ADCY7: variants seen among roughly 807,000 people sequenced by gnomAD.
ADCY7 encodes the protein adenylate cyclase 7, also known as adenylate cyclase type 7.
In ADCY7, 72 loss-of-function variants were observed where a neutral mutation model predicts 120.6. The observed-to-expected ratio is 0.60, with a 90% confidence interval of 0.49 to 0.73. ADCY7 has a LOEUF of 0.73. ADCY7 is among the 30% of genes least tolerant of loss of function. The pLI, the probability that ADCY7 is intolerant of heterozygous loss-of-function variation, is 0.00. For missense variants in ADCY7, 1,227 were observed against 1,486.0 expected, an observed-to-expected ratio of 0.83 and a Z score of 2.87; for synonymous variants, 661 against 628.0, an observed-to-expected ratio of 1.05 and a Z score of -0.78.
At chr16:50,303,644 G>T (rs2035876972) in intron 10 of ADCY7, among the ~76,000 whole-genome samples, 2 of 152,276 alleles carry the variant, frequency 1.3e-5, no homozygotes, top group African/African-American at 4.8e-5. Flanking sequence ...GAGTGGGGGC[G>T]GGTAGGGCTG....
intron 14 of ADCY7, among the ~76,000 whole-genome samples, 192 bp from the exon 15 acceptor site, chr16:50,306,858 C>G (rs1464433158): frequency 6.6e-6 from 1 of 152,206 alleles, no homozygotes; most frequent in African/African-American, 2.4e-5. Context: ...TGGGGACTCA[C>G]TATGTTGCCC....
chr16:50,253,484 T>C (rs776941067), intron 1 of ADCY7, among the ~76,000 whole-genome samples: 6 of 152,158 alleles, frequency 3.9e-5, no homozygotes, highest in Admixed American at 6.5e-5. Context: ...ACTCCTGGCC[T>C]CAAATGATCC....
chr16:50,245,171 T>C (rs2150764611), upstream of ADCY7, among the ~76,000 whole-genome samples: 1 of 152,356 alleles, frequency 6.6e-6, no homozygotes, highest in East Asian at 1.9e-4. Context: ...AGATCAGCGT[T>C]TCTGCTACCT....
rs764555072 is a variant in ADCY7, at chr16:50,312,942, C to T, written c.2657C>T (p.Pro886Leu). Residue 886 changes from proline (P) to leucine (L), a missense_variant, in exon 22 of 26, where the codon CCG (proline) becomes CTG (leucine). Pro to Leu is a moderately conservative substitution (Grantham distance 98). Transcript: ENST00000673801. ...GTCTGTGTCATGTTTGCCTCCGTGC[C>T]GGACTTCAAAGTGTTCTACACAGAG... The part of the protein sequence containing the change: ...DCVCVMFASV[P>L]DFKVFYTECD... 6.8e-6 allele frequency: 11 copies of T among 1,614,060 alleles called. No individual in the cohort carries two copies. The highest frequency in any genetic ancestry group is 2.7e-5 in the African/African-American group (2 of 74,918).
chr16:50,312,125 CCTT>C lies in ADCY7; in HGVS notation c.2544_2546del (p.Leu849del), dbSNP rs1180517747. 5 of 1,614,252 alleles carry C rather than the reference CCTT, an allele frequency of 3.1e-6. No homozygotes were observed. The highest frequency in any genetic ancestry group is 1.3e-5 in the African/African-American group (1 of 75,068). ...TTGAGACCATGGAGAACGTGAACCG[CCTT>C]CTTCTGGAGAACGTCCTGCCAGCCC... On this transcript the variant is annotated inframe_deletion, in exon 21 of 26. Transcript: ENST00000673801.
At chr16:50,299,121 A>G (rs1481131293) in intron 8 of ADCY7, 90 bp downstream of exon 8, 2 of 1,445,034 alleles carry the variant, frequency 1.4e-6, no homozygotes, top group East Asian at 2.5e-5. Context: ...CATGTCACAG[A>G]TGGGGAAACT....
At chr16:50,249,423 C>A (rs116897717) in intron 1 of ADCY7, among the ~76,000 whole-genome samples, 1,912 of 150,884 alleles carry the variant, frequency 0.013, 26 homozygotes, top group Non-Finnish European at 0.016. Context: ...TTGCTCTGGG[C>A]GACAGAGCAA....
At position 50,311,812 on chromosome 16, in the gene ADCY7, C is replaced by T. The variant is rs531401038; in HGVS notation, c.2448+26C>T. On this transcript the variant is annotated intron_variant, in intron 20 of 25. Transcript: ENST00000673801. ...GTAAGGAGGCTGGCCCCCCCCCCCC[C>T]CCCAAGCTCTGCCCACTTTTCCTCA... The T allele has an allele frequency of 4.8e-5, 65 of 1,341,688 alleles. 1 individual carries two copies. Among genetic ancestry groups the T allele is most frequent in the Middle Eastern group, 2.0e-4 (1 of 4,996 alleles). The allele number at this position is 1,341,688 out of a possible 1,614,324, so 83.1% of individuals were successfully genotyped here.
intron 2 of ADCY7, chr16:50,289,184 C>T: frequency 3.1e-6 from 1 of 320,242 alleles, no homozygotes; most frequent in Non-Finnish European, 6.2e-6. Flanking sequence ...TCTCAGAATC[C>T]TCCTTTTGTT....
intron 1 of ADCY7, among the ~76,000 whole-genome samples, chr16:50,276,353 TG>T (rs1216385419): frequency 1.3e-5 from 2 of 151,968 alleles, no homozygotes; most frequent in Non-Finnish European, 2.9e-5. Flanking sequence ...GGTTGAGGGG[TG>T]GGGACAGGTG....
At chr16:50,284,464 G>A (rs928901130) in intron 1 of ADCY7, among the ~76,000 whole-genome samples, 7 of 152,212 alleles carry the variant, frequency 4.6e-5, no homozygotes, top group Non-Finnish European at 8.8e-5. Context: ...TGCCTGGAGC[G>A]GGTGTGTCCA....
intron 1 of ADCY7, among the ~76,000 whole-genome samples, chr16:50,278,997 G>C (rs1023871629): frequency 6.6e-6 from 1 of 151,818 alleles, no homozygotes; most frequent in African/African-American, 2.4e-5. Context: ...TCAGCCTCGC[G>C]AGTAGCTGGG....
intron 3 of ADCY7, among the ~76,000 whole-genome samples, chr16:50,291,321 C>T (rs897449763): frequency 6.0e-3 from 65 of 10,884 alleles, no homozygotes; most frequent in African/African-American, 0.021. Context: ...CAGGACCAGC[C>T]GGTGGGGATG....
chr16:50,314,227 G>A (rs1305050102), intron 23 of ADCY7, 65 bp from the exon 24 acceptor site: 29 of 1,498,742 alleles, frequency 1.9e-5, no homozygotes, highest in South Asian at 1.3e-4. Context: ...AGAGTGGCGC[G>A]CCAGGGCCCA....
chr16:50,314,337 A>G lies in ADCY7; in HGVS notation c.2902A>G (p.Ser968Gly). Residue 968 changes from serine (S) to glycine (G), a missense_variant, in exon 24 of 26, where the codon AGC becomes GGC. This residue lies in a region of ADCY7 where 244 missense variants were observed against 332.8 expected (regional missense o/e 0.73). Coordinates refer to ENST00000673801, the MANE Select transcript of ADCY7 (RefSeq NM_001114.5). ...CCACATTGGTGTCATGGTGGAGTTC[A>G]GCATCGCCCTGATGAGTAAGCTGGA... is the stretch of plus-strand genomic sequence containing the variant. ...HAHIGVMVEF[S>G]IALMSKLDGI... is the part of the protein sequence containing the mutation. 1 of 1,614,202 alleles carries G rather than the reference A, an allele frequency of 6.2e-7. No individual in the cohort carries two copies. Among genetic ancestry groups the G allele is most frequent in the Non-Finnish European group, 8.5e-7 (1 of 1,180,042 alleles).
chr16:50,265,643 G>A (rs1204954170), upstream of ADCY7, among the ~76,000 whole-genome samples: 3 of 152,240 alleles, frequency 2.0e-5, no homozygotes, highest in Admixed American at 2.0e-4. Flanking sequence ...CTGTGATGGA[G>A]GAAGGTGCAG....
chr16:50,299,096 G>T, intron 8 of ADCY7, 65 bp downstream of exon 8: 1 of 1,510,416 alleles, frequency 6.6e-7, no homozygotes, highest in Non-Finnish European at 8.8e-7. Flanking sequence ...GGCATGGTAG[G>T]GGATGTGTCA....
intron 15 of ADCY7, 68 bp from the exon 16 acceptor site, chr16:50,308,259 G>A (rs2036210253): frequency 6.2e-7 from 1 of 1,613,704 alleles, no homozygotes. Context: ...TGAGCCAGAG[G>A]ATTGGTGGGG....
intron 1 of ADCY7, among the ~76,000 whole-genome samples, chr16:50,260,020 T>C (rs1265331553): frequency 6.6e-6 from 1 of 152,218 alleles, no homozygotes; most frequent in East Asian, 1.9e-4. Context: ...CGAGCTGTGC[T>C]GCCTCTGCGA....
Sources: allele counts gnomAD v4.1 joint callset (sites outside exome capture counted in the v4.1 genomes callset), GRCh38; gene constraint gnomAD v4.1.1; regional missense constraint gnomAD v4.1.1; transcripts MANE v1.5; gene names NCBI Gene and HGNC (gene_info 2026-07-23, HGNC 2026-07-21).